Variants in RNF13 observed in about 807,000 individuals in gnomAD.
RNF13 encodes the protein ring finger protein 13, also known as E3 ubiquitin-protein ligase RNF13.
Under a neutral mutation model 37.7 loss-of-function variants are expected in RNF13, and 19 were observed. The ratio of observed to expected loss-of-function variants is 0.50; its 90% CI spans 0.35 to 0.74. RNF13 has a LOEUF of 0.74. Among genes scored for constraint, RNF13 ranks in the 30% least tolerant of loss-of-function variants. The pLI is 0.01. For missense variants in RNF13, 375 were observed against 453.0 expected, an observed-to-expected ratio of 0.83 and a Z score of 1.56; for synonymous variants, 144 against 157.8, an observed-to-expected ratio of 0.91 and a Z score of 0.65.
At chr3:149,942,265 T>C (rs962464379) in intron 8 of RNF13, among the ~76,000 whole-genome samples, 1 of 152,206 alleles carries the variant, frequency 6.6e-6, no homozygotes, top group Non-Finnish European at 1.5e-5. Flanking sequence ...AAGAATTACA[T>C]TGAATCTGTA....
chr3:149,904,616 GT>G (rs1716206327), intron 6 of RNF13, among the ~76,000 whole-genome samples: 1 of 152,118 alleles, frequency 6.6e-6, no homozygotes, highest in Non-Finnish European at 1.5e-5. Flanking sequence ...TGCTTTCAGA[GT>G]TTGGCGATTG....
intron 2 of RNF13, among the ~76,000 whole-genome samples, chr3:149,850,754 G>A (rs1440216727): frequency 6.6e-6 from 1 of 152,000 alleles, no homozygotes; most frequent in Admixed American, 6.6e-5. Context: ...GACATCTTTG[G>A]CTGGGATGAA....
chr3:149,926,864 T>A lies in RNF13; in HGVS notation c.700+5637T>A, dbSNP rs1054544986. Among the ~76,000 whole-genome samples the A allele has an allele frequency of 4.6e-5, 7 of 152,218 alleles. 1 individual carries two copies. The highest frequency in any genetic ancestry group is 1.5e-5 in the Non-Finnish European group (1 of 68,040). On this transcript the variant is annotated intron_variant, in intron 8 of 9. Coordinates refer to ENST00000392894, the MANE Select transcript of RNF13 (RefSeq NM_183381.3). The stretch of plus-strand genomic sequence containing the variant: ...GGTTCATGGTAAGACCTGATAGAGC[T>A]AGTCTTCCCACTTTGTTTTTTTTCA...
At chr3:149,859,413 A>G (rs1217987878) in intron 3 of RNF13, among the ~76,000 whole-genome samples, 1 of 152,220 alleles carries the variant, frequency 6.6e-6, no homozygotes, top group Admixed American at 6.5e-5. Context: ...TATTAAATGA[A>G]GCAGGAATAT....
At chr3:149,828,411 G>C (rs552157597) in intron 1 of RNF13, among the ~76,000 whole-genome samples, 17 of 152,296 alleles carry the variant, frequency 1.1e-4, no homozygotes, top group Admixed American at 5.9e-4. Context: ...ATTCTGGTTT[G>C]GGAGATAGAT....
At chr3:149,846,599 C>T (rs1178358748) in intron 2 of RNF13, among the ~76,000 whole-genome samples, 1 of 152,220 alleles carries the variant, frequency 6.6e-6, no homozygotes, top group East Asian at 1.9e-4. Context: ...AGCCACCACG[C>T]CCAGCCCCTT....
chr3:149,849,903 T>C (rs1319671409), intron 2 of RNF13, among the ~76,000 whole-genome samples: 1 of 152,180 alleles, frequency 6.6e-6, no homozygotes, highest in African/African-American at 2.4e-5. Context: ...AAAGACCTTT[T>C]CAAAATAAGT....
chr3:149,895,161 C>T (rs888205094), intron 4 of RNF13: 15 of 204,612 alleles, frequency 7.3e-5, no homozygotes, highest in Non-Finnish European at 1.1e-4. Flanking sequence ...TTACATATGA[C>T]AAGAATATTG....
At chr3:149,939,628 A>G (rs1309791685) in intron 8 of RNF13, 5 of 640,090 alleles carry the variant, frequency 7.8e-6, no homozygotes, top group Non-Finnish European at 1.5e-5. Flanking sequence ...AACAATATGC[A>G]ATTTATCCTT....
At chr3:149,948,452 G>C (rs1185939278) in intron 8 of RNF13, among the ~76,000 whole-genome samples, 2 of 151,750 alleles carry the variant, frequency 1.3e-5, no homozygotes, top group African/African-American at 2.4e-5. Context: ...GTTTTTTGTT[G>C]ATTTTTTCTA....
At chr3:149,922,888 A>G (rs913910264) in intron 8 of RNF13, among the ~76,000 whole-genome samples, 6 of 152,140 alleles carry the variant, frequency 3.9e-5, no homozygotes, top group Admixed American at 1.3e-4. Context: ...TAGTGCAGAT[A>G]CCTACTTGAT....
chr3:149,900,228 T>A (rs1715678053), intron 5 of RNF13, among the ~76,000 whole-genome samples: 1 of 152,182 alleles, frequency 6.6e-6, no homozygotes, highest in Non-Finnish European at 1.5e-5. Context: ...TAGCCAGTAG[T>A]TACAAACCAA....
At chr3:149,864,473 A>G (rs542639595) in intron 3 of RNF13, among the ~76,000 whole-genome samples, 1 of 152,300 alleles carries the variant, frequency 6.6e-6, no homozygotes, top group African/African-American at 2.4e-5. Flanking sequence ...ATTCCTTTAT[A>G]GCAGTATAAA....
intron 1 of RNF13, among the ~76,000 whole-genome samples, chr3:149,838,738 C>T (rs1721899165): frequency 5.3e-5 from 8 of 152,158 alleles, no homozygotes; most frequent in Admixed American, 5.2e-4. Context: ...CTCTGACATG[C>T]CCTGGAGACA....
intron 3 of RNF13, among the ~76,000 whole-genome samples, chr3:149,866,513 A>G (rs1401149771): frequency 6.6e-6 from 1 of 152,170 alleles, no homozygotes; most frequent in African/African-American, 2.4e-5. Flanking sequence ...TTTATCAGCA[A>G]GGTCTTTATG....
intron 2 of RNF13, 38 bp from the exon 3 acceptor site, chr3:149,852,478 A>C (rs761966205): frequency 1.1e-6 from 1 of 901,458 alleles, no homozygotes; most frequent in East Asian, 2.8e-5. Flanking sequence ...TTATATATAA[A>C]TTGGTCTTAA....
In RNF13 at chr3:149,832,668, A is replaced by G. The variant is rs557621224; in HGVS notation, c.-16-13343A>G. On this transcript the variant is annotated intron_variant, in intron 1 of 9. Coordinates refer to ENST00000392894, the MANE Select transcript of RNF13 (RefSeq NM_183381.3). ...TAGTGACTAAAGAAAACAAGAGAGG[A>G]GACTCAACTAAAATCAGAAATGAAA... is the stretch of plus-strand genomic sequence containing the variant. Among the ~76,000 whole-genome samples the G allele has an allele frequency of 2.0e-5, 3 of 152,308 alleles. No individual in the cohort carries two copies. The East Asian group carries it at 5.8e-4, about 29-fold the overall frequency.
intron 4 of RNF13, among the ~76,000 whole-genome samples, chr3:149,876,760 A>G (rs959367236): frequency 6.7e-6 from 1 of 149,520 alleles, no homozygotes. Context: ...TCAAGGTAGA[A>G]GTCATCATAT....
At chr3:149,867,408 G>T (rs1711506873) in intron 3 of RNF13, among the ~76,000 whole-genome samples, 1 of 151,518 alleles carries the variant, frequency 6.6e-6, no homozygotes, top group South Asian at 2.1e-4. Context: ...TGGGACTACA[G>T]GCGCCCACCA....
Sources: allele counts gnomAD v4.1 joint callset (sites outside exome capture counted in the v4.1 genomes callset), GRCh38; gene constraint gnomAD v4.1.1; transcripts MANE v1.5; gene names NCBI Gene and HGNC (gene_info 2026-07-23, HGNC 2026-07-21).